GRB14: variants seen among roughly 807,000 people sequenced by gnomAD.
The protein encoded by GRB14 is growth factor receptor bound protein 14.
In GRB14, 38 loss-of-function variants were observed where a neutral mutation model predicts 69.1. The ratio of observed to expected loss-of-function variants is 0.55; its 90% CI spans 0.42 to 0.72. The LOEUF (loss-of-function observed/expected upper bound fraction) is 0.72. GRB14 is among the 30% of genes least tolerant of loss of function. The probability of loss-of-function intolerance (pLI) is 0.00; values close to 1 mark genes in which losing one functional copy is unlikely to be tolerated. For synonymous variants in GRB14, 247 were observed against 241.3 expected, an observed-to-expected ratio of 1.02 and a Z score of -0.22; for missense variants, 666 against 666.1, an observed-to-expected ratio of 1.00 and a Z score of 0.00.
rs74850525 is a variant in GRB14 at position 164,528,027 on chromosome 2, C to T, written c.482-892G>A. Among the ~76,000 whole-genome samples, 221 of 152,124 alleles carry T rather than the reference C, an allele frequency of 1.5e-3. 7 individuals are homozygous for T. The East Asian group carries it at 0.034, about 23-fold the overall frequency. On this transcript the variant is annotated intron_variant, in intron 3 of 13. Coordinates refer to ENST00000263915, the MANE Select transcript of GRB14 (RefSeq NM_004490.3). ...CAACCCACAACAGTATGGATAAATACTGCATTTCATGAACACAATATTTAA... is the reference window on the plus strand; with the variant it reads ...CAACCCACAACAGTATGGATAAATATTGCATTTCATGAACACAATATTTAA...
At position 164,510,775 on chromosome 2, in the gene GRB14, A is replaced by G. The variant is rs79359739; in HGVS notation, c.817-1923T>C. ...TCTCAGTCCTGGTGCATTCACCACA[A>G]GATGACTGGAGAGCCCTTAGGCCTT... On this transcript the variant is annotated intron_variant, in intron 6 of 13. Coordinates refer to ENST00000263915, the MANE Select transcript of GRB14 (RefSeq NM_004490.3). Among the ~76,000 whole-genome samples, 370 of 152,332 alleles carry G rather than the reference A, an allele frequency of 2.4e-3. 2 individuals are homozygous for G. The highest frequency in any genetic ancestry group is 8.5e-3 in the African/African-American group (352 of 41,566).
chr2:164,508,479 C>T lies in GRB14; in HGVS notation c.999G>A (p.Trp333Ter). 6.2e-7 allele frequency: 1 copy of T among 1,614,040 alleles called. No individual in the cohort carries two copies. Among genetic ancestry groups the T allele is most frequent in the Non-Finnish European group, 8.5e-7 (1 of 1,179,974 alleles). The change falls in exon 8 of 14, where the codon TGG becomes TGA. Residue 333 changes from tryptophan to a stop codon, truncating the protein, a stop_gained. Transcript: ENST00000263915. LOFTEE classifies it high-confidence loss of function. Reference protein sequence around the residue: ...CAEEEQSRTCWVTAIRLLKYG... With the variant: ...CAEEEQSRTC ...CCTTAAGCAATCTAATCGCGGTCAC[C>T]CAGCACGTCCTACTCTGCTCTTCTT...
intron 3 of GRB14, among the ~76,000 whole-genome samples, chr2:164,531,225 C>T (rs1687927500): frequency 6.6e-6 from 1 of 152,156 alleles, no homozygotes; most frequent in Admixed American, 6.5e-5. Context: ...GAAGTTGCAT[C>T]CTTAAAAATC....
chr2:164,620,277 AT>A, intron 1 of GRB14, among the ~76,000 whole-genome samples: 1 of 152,136 alleles, frequency 6.6e-6, no homozygotes, highest in Non-Finnish European at 1.5e-5. Context: ...TCCTTATGAT[AT>A]TTTACTAATC....
At chr2:164,605,578 C>A (rs1454759218) in intron 2 of GRB14, among the ~76,000 whole-genome samples, 1 of 152,092 alleles carries the variant, frequency 6.6e-6, no homozygotes, top group African/African-American at 2.4e-5. Flanking sequence ...AATCCTACAA[C>A]AGAACCTTTA....
intron 2 of GRB14, among the ~76,000 whole-genome samples, chr2:164,567,361 C>A (rs954890687): frequency 6.6e-6 from 1 of 152,004 alleles, no homozygotes; most frequent in Admixed American, 6.5e-5. Flanking sequence ...AAAACTATAG[C>A]CACTTTAACT....
At chr2:164,586,840 T>C (rs1689550484) in intron 2 of GRB14, among the ~76,000 whole-genome samples, 1 of 152,172 alleles carries the variant, frequency 6.6e-6, no homozygotes, top group Non-Finnish European at 1.5e-5. Flanking sequence ...AATTTCCACT[T>C]TATAATAATG....
chr2:164,494,671 G>GCAAT, intron 12 of GRB14, 147 bp from the exon 13 acceptor site: 1 of 666,922 alleles, frequency 1.5e-6, no homozygotes, highest in Non-Finnish European at 2.7e-6. Context: ...ATCCAACTTG[G>GCAAT]CAATCAATAT....
intron 6 of GRB14, among the ~76,000 whole-genome samples, chr2:164,519,355 A>C (rs1368226871): frequency 6.6e-6 from 1 of 152,192 alleles, no homozygotes; most frequent in Non-Finnish European, 1.5e-5. Flanking sequence ...AGAAGGACAT[A>C]CCTTAAAGTA....
intron 2 of GRB14, among the ~76,000 whole-genome samples, chr2:164,602,442 T>C (rs1689940053): frequency 6.6e-6 from 1 of 152,124 alleles, no homozygotes; most frequent in Non-Finnish European, 1.5e-5. Context: ...ATGGAGACAA[T>C]ATCCTGAAAA....
intron 2 of GRB14, among the ~76,000 whole-genome samples, chr2:164,590,854 C>T (rs1162392911): frequency 2.6e-5 from 4 of 152,140 alleles, no homozygotes; most frequent in Non-Finnish European, 5.9e-5. Flanking sequence ...TACAACTGCA[C>T]TGGTCCCGCT....
chr2:164,614,712 A>T (rs1410144678), intron 2 of GRB14, among the ~76,000 whole-genome samples: 1 of 152,194 alleles, frequency 6.6e-6, no homozygotes, highest in South Asian at 2.1e-4. Context: ...CAATATGTAC[A>T]TGGGTTTCTC....
chr2:164,584,741 T>C (rs190613224), intron 2 of GRB14, among the ~76,000 whole-genome samples: 1 of 152,258 alleles, frequency 6.6e-6, no homozygotes, highest in East Asian at 1.9e-4. Flanking sequence ...ATATTATAAA[T>C]CACACATAAC....
At chr2:164,524,885 A>T in intron 5 of GRB14, 119 bp downstream of exon 5, 2 of 585,324 alleles carry the variant, frequency 3.4e-6, no homozygotes, top group Non-Finnish European at 5.8e-6. Context: ...CCTCCAGCAA[A>T]AAATATTAAT....
chr2:164,541,875 A>T (rs528595552), intron 3 of GRB14, among the ~76,000 whole-genome samples: 2 of 152,182 alleles, frequency 1.3e-5, no homozygotes, highest in South Asian at 4.1e-4. Context: ...CTCCCCTAGT[A>T]GCCCCCAGTG....
At chr2:164,519,906 C>T (rs1687593454) in intron 6 of GRB14, among the ~76,000 whole-genome samples, 1 of 151,888 alleles carries the variant, frequency 6.6e-6, no homozygotes, top group Non-Finnish European at 1.5e-5. Context: ...CATGGATGGG[C>T]AGAATCAATA....
intron 2 of GRB14, among the ~76,000 whole-genome samples, chr2:164,619,158 A>G (rs774711117): frequency 2.6e-5 from 4 of 152,230 alleles, no homozygotes; most frequent in Non-Finnish European, 5.9e-5. Context: ...TTCTGCAGCC[A>G]GAGCCTCCAA....
rs1222254593 is a variant in GRB14 at position 164,497,471 on chromosome 2, G to T, written c.1124C>A (p.Ser375Tyr). ...GCCTGAGAAGTCCATTGCTACCAGG[G>T]AATTCTCTGATATACTTCTCTGGAA... The part of the protein sequence containing the change: ...ISPMRSISEN[S>Y]LVAMDFSGQK... Residue 375 changes from serine to tyrosine, a missense_variant, in exon 10 of 14, where the codon TCC becomes TAC. Transcript: ENST00000263915. The T allele has an allele frequency of 6.2e-7, 1 of 1,606,740 alleles. No individual in the cohort carries two copies. The highest frequency in any genetic ancestry group is 8.5e-7 in the Non-Finnish European group (1 of 1,174,172).
chr2:164,545,300 C>T (rs1179526402), intron 3 of GRB14, among the ~76,000 whole-genome samples: 1 of 152,040 alleles, frequency 6.6e-6, no homozygotes, highest in Non-Finnish European at 1.5e-5. Flanking sequence ...ATTCCTAGAA[C>T]CTGTGAATGT....
Sources: allele counts gnomAD v4.1 joint callset (sites outside exome capture counted in the v4.1 genomes callset), GRCh38; gene constraint gnomAD v4.1.1; transcripts MANE v1.5; gene names NCBI Gene and HGNC (gene_info 2026-07-23, HGNC 2026-07-21).